The following NSD1 variants were observed in gnomAD, a reference collection of about 807,000 sequenced individuals.
NSD1 encodes the protein nuclear receptor binding SET domain protein 1.
Under a neutral mutation model 242.7 loss-of-function variants are expected in NSD1, and 26 were observed. The ratio of observed to expected loss-of-function variants is 0.11; its 90% CI spans 0.08 to 0.15. The LOEUF (loss-of-function observed/expected upper bound fraction) is 0.15, where lower values mean the gene tolerates loss of function less well. Ranked by LOEUF, NSD1 falls within the 10% of genes least tolerant of loss-of-function variation. The pLI, the probability that NSD1 is intolerant of heterozygous loss-of-function variation, is 1.00. For missense variants in NSD1, 2,495 were observed against 3,272.8 expected (o/e 0.76, Z 5.80); for synonymous variants, 1,106 against 1,178.1 (o/e 0.94, Z 1.25).
chr5:177,211,510 A>T lies in NSD1; in HGVS notation c.3111A>T (p.Gln1037His). Residue 1037 changes from glutamine (Q) to histidine (H), a missense_variant, in exon 5 of 23, where the codon CAA (glutamine) becomes CAT (histidine). Physicochemically the swap from Gln to His is conservative, Grantham distance 24. Coordinates refer to ENST00000439151, the MANE Select transcript of NSD1 (RefSeq NM_022455.5). ...AATTGCGAGATGCTTTTTCAGCCCAAATGGTAAAGAACACAGTGAACCGTA... is the reference window on the plus strand; with the variant it reads ...AATTGCGAGATGCTTTTTCAGCCCATATGGTAAAGAACACAGTGAACCGTA... ...SSKLRDAFSA[Q>H]MVKNTVNRKA... 1 of 1,614,134 alleles carries T rather than the reference A, an allele frequency of 6.2e-7. No individual in the cohort carries two copies. The highest frequency in any genetic ancestry group is 8.5e-7 in the Non-Finnish European group (1 of 1,180,038).
chr5:177,167,684 T>C (rs1759326359), intron 2 of NSD1, among the ~76,000 whole-genome samples: 1 of 152,232 alleles, frequency 6.6e-6, no homozygotes, highest in Non-Finnish European at 1.5e-5. Context: ...AGTCTTATTT[T>C]ATTTTCCAGT....
chr5:177,173,890 ATAT>A (rs561693721), intron 2 of NSD1, among the ~76,000 whole-genome samples: 2 of 152,228 alleles, frequency 1.3e-5, no homozygotes, highest in African/African-American at 2.4e-5. Context: ...GACTGCCAAA[ATAT>A]TATTTCATAA....
At chr5:177,149,916 C>T (rs1158958948) in intron 2 of NSD1, among the ~76,000 whole-genome samples, 2 of 151,950 alleles carry the variant, frequency 1.3e-5, no homozygotes, top group Non-Finnish European at 2.9e-5. Flanking sequence ...TTTTAAATGC[C>T]TATATACAAA....
intron 5 of NSD1, among the ~76,000 whole-genome samples, chr5:177,230,786 C>G (rs1272782100): frequency 6.6e-6 from 1 of 151,596 alleles, no homozygotes; most frequent in East Asian, 1.9e-4. Context: ...GAGATCACAC[C>G]ACTGCACTTC....
intron 2 of NSD1, 82 bp downstream of exon 2, chr5:177,136,112 G>A (rs1229384194): frequency 7.8e-7 from 1 of 1,283,452 alleles, no homozygotes; most frequent in Non-Finnish European, 1.1e-6. Context: ...TAACAAATTT[G>A]TTTTTGGTTG....
chr5:177,290,241 A>C (rs1326184215), intron 21 of NSD1, among the ~76,000 whole-genome samples: 2 of 148,798 alleles, frequency 1.3e-5, no homozygotes, highest in Non-Finnish European at 3.0e-5. Context: ...AGATTTCTGT[A>C]TCATAAGTAA....
chr5:177,280,470 C>A, intron 17 of NSD1, 95 bp from the exon 18 acceptor site: 1 of 1,382,364 alleles, frequency 7.2e-7, no homozygotes, highest in Non-Finnish European at 1.0e-6. Flanking sequence ...GGAAATGTGG[C>A]TGCAACTTCA....
At chr5:177,280,278 G>A (rs919541088) in intron 17 of NSD1, among the ~76,000 whole-genome samples, 17 of 151,382 alleles carry the variant, frequency 1.1e-4, no homozygotes, top group Admixed American at 9.9e-4. Flanking sequence ...TACCTGGCTC[G>A]TATTTTATTT....
At chr5:177,154,699 A>G (rs1413224922) in intron 2 of NSD1, among the ~76,000 whole-genome samples, 2 of 151,654 alleles carry the variant, frequency 1.3e-5, no homozygotes, top group Non-Finnish European at 2.9e-5. Context: ...TAATTTTATT[A>G]TTATTATTAT....
chr5:177,265,948 G>T, intron 14 of NSD1: 1 of 1,247,044 alleles, frequency 8.0e-7, no homozygotes, highest in Non-Finnish European at 1.2e-6. Flanking sequence ...TGAGGCAGGC[G>T]TTGGTAACCA....
chr5:177,238,196 A>T lies in NSD1; in HGVS notation c.3922-41A>T, dbSNP rs1178098958. 2 of 1,611,536 alleles carry T rather than the reference A, an allele frequency of 1.2e-6. No homozygotes were observed. The highest frequency in any genetic ancestry group is 1.7e-6 in the Non-Finnish European group (2 of 1,177,888). On this transcript the variant is annotated intron_variant, in intron 6 of 22. Coordinates refer to ENST00000439151, the MANE Select transcript of NSD1 (RefSeq NM_022455.5). This position sits in a 1 kb window ranked among gnomAD's most constrained non-coding sequence, Gnocchi z 4.6. Reference sequence around the variant, plus strand: ...TTCTTTTTGACACTTAAATTACAACAATTTTGGCCTGTGGACTCTATTTTT... The same window carrying T: ...TTCTTTTTGACACTTAAATTACAACTATTTTGGCCTGTGGACTCTATTTTT...
intron 4 of NSD1, among the ~76,000 whole-genome samples, chr5:177,208,301 G>T (rs996701842): frequency 6.6e-6 from 1 of 152,082 alleles, no homozygotes; most frequent in Non-Finnish European, 1.5e-5. Context: ...TGGATTACAT[G>T]ATGAAGCCTA....
intron 5 of NSD1, among the ~76,000 whole-genome samples, chr5:177,226,908 T>C (rs913290670): frequency 6.6e-6 from 1 of 152,252 alleles, no homozygotes; most frequent in African/African-American, 2.4e-5. Flanking sequence ...TAATTTACTT[T>C]GGTTGTTTGG....
chr5:177,210,554 G>A lies in NSD1; in HGVS notation c.2155G>A (p.Ala719Thr), dbSNP rs748257662. ...CCACTTAATGGGTTGTACTAAGAGT[G>A]CAGAGCCTGGAACCGAGACGTCTCA... The part of the protein sequence containing the change: ...TDHLMGCTKS[A>T]EPGTETSQVN... The change falls in exon 5 of 23, where the codon GCA becomes ACA. Residue 719 changes from alanine to threonine, a missense_variant. Ala to Thr is a moderately conservative substitution (Grantham distance 58). Around this residue, in one of 19 missense-constraint regions of NSD1, gnomAD observed 515 missense variants for 467.0 expected, o/e 1.10. Coordinates refer to ENST00000439151, the MANE Select transcript of NSD1 (RefSeq NM_022455.5). The A allele has an allele frequency of 1.9e-6, 3 of 1,614,046 alleles. No homozygotes were observed. In the Admixed American group the frequency reaches 5.0e-5, roughly 27 times the overall value.
intron 5 of NSD1, among the ~76,000 whole-genome samples, chr5:177,214,816 C>T (rs983641188): frequency 6.6e-6 from 1 of 151,980 alleles, no homozygotes; most frequent in Non-Finnish European, 1.5e-5. Flanking sequence ...TCTCCTGCCT[C>T]AGCCTCCTAA....
chr5:177,291,800 A>G (rs1386646975), intron 21 of NSD1, among the ~76,000 whole-genome samples, 154 bp from the exon 22 acceptor site: 1 of 152,188 alleles, frequency 6.6e-6, no homozygotes, highest in Non-Finnish European at 1.5e-5. Flanking sequence ...ATTGCTACGT[A>G]TCTGTGATGT....
chr5:177,267,478 AATATAT>A (rs148337854), intron 14 of NSD1, 78 bp from the exon 15 acceptor site: 2 of 1,126,758 alleles, frequency 1.8e-6, no homozygotes, highest in East Asian at 2.4e-5. Flanking sequence ...AGAGAAAGAA[AATATAT>A]ATATATATGT....
chr5:177,260,339 C>CTTTTT (rs1174250871), intron 14 of NSD1, among the ~76,000 whole-genome samples, 171 bp downstream of exon 14: 29 of 85,840 alleles, frequency 3.4e-4, no homozygotes, highest in Non-Finnish European at 4.1e-4. Context: ...CATAGCAGAA[C>CTTTTT]TTTTTTTTTT....
At chr5:177,201,084 G>A (rs1207442932) in intron 3 of NSD1, among the ~76,000 whole-genome samples, 4 of 151,710 alleles carry the variant, frequency 2.6e-5, no homozygotes, top group Non-Finnish European at 4.4e-5. Flanking sequence ...ACTGGGTTTC[G>A]CCATGTTGGC....
Sources: gnomAD v4.1 joint callset for allele counts (sites outside exome capture counted in the v4.1 genomes callset) on GRCh38, gnomAD v4.1.1 for gene constraint, gnomAD v4.1.1 regional missense constraint, Gnocchi (gnomAD v3.1) non-coding constraint, MANE v1.5 for transcripts, NCBI Gene and HGNC (gene_info 2026-07-23, HGNC 2026-07-21) for gene names.